Variants in NOS1AP observed in about 807,000 individuals in gnomAD.
NOS1AP encodes carboxyl-terminal PDZ ligand of neuronal nitric oxide synthase protein.
In NOS1AP, 21 loss-of-function variants were observed where a neutral mutation model predicts 56.2. The ratio of observed to expected loss-of-function variants is 0.37; its 90% CI spans 0.26 to 0.54. The LOEUF is 0.54. Among genes scored for constraint, NOS1AP ranks in the 20% least tolerant of loss-of-function variants. NOS1AP has a pLI of 0.84. For synonymous variants in NOS1AP, 270 were observed against 274.6 expected, an observed-to-expected ratio of 0.98 and a Z score of 0.17; for missense variants, 522 against 657.8, an observed-to-expected ratio of 0.79 and a Z score of 2.26.
intron 2 of NOS1AP, among the ~76,000 whole-genome samples, chr1:162,279,707 T>G (rs1654857362): frequency 3.3e-5 from 5 of 152,210 alleles, no homozygotes; most frequent in Admixed American, 3.3e-4. Flanking sequence ...CTTTCTGTTA[T>G]AAAATGGGGT....
chr1:162,187,335 A>G (rs1473815569), intron 2 of NOS1AP, among the ~76,000 whole-genome samples: 1 of 152,218 alleles, frequency 6.6e-6, no homozygotes, highest in Non-Finnish European at 1.5e-5. Context: ...ACATCTTTAA[A>G]TAATCCTTTA....
intron 3 of NOS1AP, among the ~76,000 whole-genome samples, chr1:162,294,208 G>A (rs145325893): frequency 1.2e-5 from 1 of 84,614 alleles, no homozygotes; most frequent in African/African-American, 3.0e-5. Flanking sequence ...AGGAAGGAAG[G>A]AAGGAAGGAA....
intron 2 of NOS1AP, among the ~76,000 whole-genome samples, chr1:162,216,298 G>A (rs1423028413): frequency 6.6e-6 from 1 of 152,242 alleles, no homozygotes; most frequent in Non-Finnish European, 1.5e-5. Context: ...CTTTCACACA[G>A]ATGCCATGAA....
At chr1:162,121,224 G>T (rs1648216882) in intron 1 of NOS1AP, among the ~76,000 whole-genome samples, 1 of 149,310 alleles carries the variant, frequency 6.7e-6, no homozygotes, top group Admixed American at 6.8e-5. Context: ...AGGATCAAGT[G>T]TAGTGGCACG....
intron 2 of NOS1AP, among the ~76,000 whole-genome samples, chr1:162,258,173 T>G (rs928934807): frequency 2.5e-4 from 38 of 152,282 alleles, no homozygotes; most frequent in African/African-American, 8.9e-4. Flanking sequence ...CTACCTAGTC[T>G]GCCTGGCAAA....
chr1:162,140,856 G>A (rs1051743420), intron 1 of NOS1AP, among the ~76,000 whole-genome samples: 1 of 152,112 alleles, frequency 6.6e-6, no homozygotes, highest in Admixed American at 6.6e-5. Flanking sequence ...GTGTGAGATG[G>A]TATCTCACTG....
At position 162,310,128 on chromosome 1, in the gene NOS1AP, T is replaced by G. The variant is rs74609223; in HGVS notation, c.344+9422T>G. On this transcript the variant is annotated intron_variant, in intron 4 of 9. Coordinates refer to ENST00000361897, the MANE Select transcript of NOS1AP (RefSeq NM_014697.3). ...TTCCACATCTTCACATGCCCCACGC[T>G]CCAACTCAAATCCCGGAATGCATTC... is the stretch of plus-strand genomic sequence containing the variant. Among the ~76,000 whole-genome samples, 5 of 152,188 alleles carry G rather than the reference T, an allele frequency of 3.3e-5. No homozygotes were observed. In the East Asian group the frequency reaches 9.7e-4, roughly 29 times the overall value.
rs185714397 is a variant in NOS1AP at position 162,093,521 on chromosome 1, A to G, written c.105+23239A>G. 4.8e-3 allele frequency among the ~76,000 whole-genome samples: 725 copies of G among 152,316 alleles called. 2 individuals are homozygous for G. The highest frequency in any genetic ancestry group is 7.3e-3 in the Non-Finnish European group (497 of 68,026). On this transcript the variant is annotated intron_variant, in intron 1 of 9. Transcript: ENST00000361897. ...ATATTTTGTCTCTCTCTCAGGCTAC[A>G]TACAGTTTAGTGGAAGAGATACTAT...
At chr1:162,159,258 C>CT (rs1650098476) in intron 2 of NOS1AP, among the ~76,000 whole-genome samples, 1 of 152,124 alleles carries the variant, frequency 6.6e-6, no homozygotes, top group South Asian at 2.1e-4. Flanking sequence ...GAGAGCCAGA[C>CT]TTGAGTCTTC....
intron 2 of NOS1AP, among the ~76,000 whole-genome samples, chr1:162,263,238 G>A (rs1654294497): frequency 6.7e-6 from 1 of 150,248 alleles, no homozygotes; most frequent in South Asian, 2.1e-4. Context: ...AATTTATAAA[G>A]ATGATAAATT....
chr1:162,260,535 C>T (rs987734534), intron 2 of NOS1AP, among the ~76,000 whole-genome samples: 2 of 152,146 alleles, frequency 1.3e-5, no homozygotes, highest in Non-Finnish European at 2.9e-5. Flanking sequence ...TAAATGTTCT[C>T]TAAATATAGA....
intron 2 of NOS1AP, among the ~76,000 whole-genome samples, chr1:162,161,282 G>A (rs72715967): frequency 0.24 from 35,916 of 152,086 alleles, 5,464 homozygotes; most frequent in Non-Finnish European, 0.34. Context: ...ACCTCTTTGG[G>A]GGGCTTTGAG....
chr1:162,207,751 T>C (rs1652207866), intron 2 of NOS1AP, among the ~76,000 whole-genome samples: 1 of 152,166 alleles, frequency 6.6e-6, no homozygotes, highest in Admixed American at 6.5e-5. Flanking sequence ...TCCCATAAAA[T>C]TGGATGTTGT....
At chr1:162,355,418 C>G in intron 7 of NOS1AP, 65 bp downstream of exon 7, 1 of 1,596,782 alleles carries the variant, frequency 6.3e-7, no homozygotes, top group Non-Finnish European at 8.6e-7. Flanking sequence ...CAGTCACTTC[C>G]TAGCCCCTGC....
At chr1:162,300,788 A>G in intron 4 of NOS1AP, 82 bp downstream of exon 4, 1 of 1,177,640 alleles carries the variant, frequency 8.5e-7, no homozygotes, top group Non-Finnish European at 1.3e-6. Flanking sequence ...AGGCTGGTGG[A>G]TCCAGGCAAA....
chr1:162,201,917 A>G (rs951497915), intron 2 of NOS1AP, among the ~76,000 whole-genome samples: 1 of 152,172 alleles, frequency 6.6e-6, no homozygotes, highest in Non-Finnish European at 1.5e-5. Context: ...TACTTTGTTG[A>G]TAGTTTCCTT....
At chr1:162,249,630 T>C (rs1653786954) in intron 2 of NOS1AP, among the ~76,000 whole-genome samples, 1 of 152,226 alleles carries the variant, frequency 6.6e-6, no homozygotes, top group Non-Finnish European at 1.5e-5. Flanking sequence ...CAATTAATCA[T>C]CTATTCAATG....
chr1:162,312,225 C>T (rs1209761884), intron 4 of NOS1AP, among the ~76,000 whole-genome samples: 1 of 142,160 alleles, frequency 7.0e-6, no homozygotes, highest in African/African-American at 2.7e-5. Flanking sequence ...CCTATTTCTC[C>T]ACATCCTCTC....
chr1:162,304,471 A>G (rs559830357), intron 4 of NOS1AP, among the ~76,000 whole-genome samples: 1 of 152,060 alleles, frequency 6.6e-6, no homozygotes, highest in East Asian at 1.9e-4. Context: ...AAGTTTTTTT[A>G]TTCAATTAGT....
Sources: gnomAD v4.1 joint callset for allele counts (sites outside exome capture counted in the v4.1 genomes callset) on GRCh38, gnomAD v4.1.1 for gene constraint, MANE v1.5 for transcripts, NCBI Gene and HGNC (gene_info 2026-07-23, HGNC 2026-07-21) for gene names.